GRIK3: variants seen among roughly 807,000 people sequenced by gnomAD.
The protein encoded by GRIK3 is glutamate receptor ionotropic, kainate 3.
In GRIK3, 29 loss-of-function variants were observed where a neutral mutation model predicts 102.5. That is an observed-to-expected ratio of 0.28 (90% CI 0.21 to 0.39). The LOEUF is 0.39. GRIK3 is among the 10% of genes least tolerant of loss of function. The probability of loss-of-function intolerance (pLI) is 1.00; values close to 1 mark genes in which losing one functional copy is unlikely to be tolerated. For synonymous variants in GRIK3, 511 were observed against 504.9 expected (o/e 1.01, Z -0.16); for missense variants, 908 against 1,252.4 (o/e 0.73, Z 4.15).
At chr1:36,982,986 C>G (rs72653512) in intron 1 of GRIK3, among the ~76,000 whole-genome samples, 19,451 of 152,238 alleles carry the variant, frequency 0.13, 1,787 homozygotes, top group African/African-American at 0.26. Flanking sequence ...GAGCCCTGGC[C>G]GAGCCCAGCC....
chr1:36,867,456 C>T (rs552093201), intron 5 of GRIK3, among the ~76,000 whole-genome samples: 1 of 152,146 alleles, frequency 6.6e-6, no homozygotes, highest in African/African-American at 2.4e-5. Context: ...TCCCATATAG[C>T]TAAATGCTCC....
At chr1:36,865,548 A>T (rs372076140) in intron 5 of GRIK3, among the ~76,000 whole-genome samples, 66 of 152,326 alleles carry the variant, frequency 4.3e-4, no homozygotes, top group African/African-American at 1.5e-3. Flanking sequence ...GACCAGGAGC[A>T]CAGCTGGTGC....
rs143779758 is a variant in GRIK3 at position 36,876,623 on chromosome 1, T to G, written c.550+4011A>C. On this transcript the variant is annotated intron_variant, in intron 3 of 15. Transcript: ENST00000373091. ...CTGTCTGTTACTTGCAGCCAAAACA[T>G]CCTGATGGACACAATCTCCAAAGCA... Among the ~76,000 whole-genome samples the G allele has an allele frequency of 8.9e-4, 136 of 152,292 alleles. 2 individuals are homozygous for G. Among genetic ancestry groups the G allele is most frequent in the African/African-American group, 3.3e-3 (136 of 41,558 alleles).
At chr1:36,854,319 C>A (rs1371843436) in intron 7 of GRIK3, among the ~76,000 whole-genome samples, 2 of 152,212 alleles carry the variant, frequency 1.3e-5, no homozygotes, top group African/African-American at 4.8e-5. Flanking sequence ...TGGAACTAAT[C>A]ATTGTGTCCA....
At chr1:36,895,898 C>A (rs571585153) in intron 1 of GRIK3, among the ~76,000 whole-genome samples, 1 of 152,168 alleles carries the variant, frequency 6.6e-6, no homozygotes, top group East Asian at 1.9e-4. Context: ...TGCATCTTAT[C>A]TATGGAGGAA....
intron 1 of GRIK3, among the ~76,000 whole-genome samples, chr1:36,925,815 G>A (rs1641520221): frequency 6.6e-6 from 1 of 152,338 alleles, no homozygotes; most frequent in South Asian, 2.1e-4. Context: ...GGTGTAGTGG[G>A]AGCGTGGCTA....
At chr1:36,892,165 C>G (rs1443469678) in intron 1 of GRIK3, among the ~76,000 whole-genome samples, 1 of 152,154 alleles carries the variant, frequency 6.6e-6, no homozygotes, top group Non-Finnish European at 1.5e-5. Flanking sequence ...ACTACAGGCA[C>G]ATGCTGCTAC....
At chr1:36,920,633 C>A (rs1473623685) in intron 1 of GRIK3, among the ~76,000 whole-genome samples, 1 of 152,196 alleles carries the variant, frequency 6.6e-6, no homozygotes, top group Non-Finnish European at 1.5e-5. Flanking sequence ...TGGCCACCTC[C>A]CCCATGCACC....
chr1:36,805,099 A>G lies in GRIK3; in HGVS notation c.2453T>C (p.Ile818Thr). 6.2e-7 allele frequency: 1 copy of G among 1,614,152 alleles called. No homozygotes were observed. Among genetic ancestry groups the G allele is most frequent in the South Asian group, 1.1e-5 (1 of 91,082 alleles). The change falls in exon 15 of 16, where the codon ATC (isoleucine) becomes ACC (threonine). Residue 818 changes from isoleucine to threonine, a missense_variant. Coordinates refer to ENST00000373091, the MANE Select transcript of GRIK3 (RefSeq NM_000831.4). ...EENKEASALGIQKIGGIFIVL... is the reference protein window; with the variant it reads ...EENKEASALGTQKIGGIFIVL... ...AATGAAGATGCCCCCGATCTTCTGG[A>G]TCCCCAGGGCACTGGCCTCTTTGTT...
intron 1 of GRIK3, among the ~76,000 whole-genome samples, chr1:36,975,808 T>G (rs146478198): frequency 2.0e-5 from 3 of 152,184 alleles, no homozygotes; most frequent in Admixed American, 1.3e-4. Flanking sequence ...TCCTTGTCTG[T>G]TTCCCCACTG....
intron 1 of GRIK3, among the ~76,000 whole-genome samples, chr1:36,946,317 G>T (rs1298481813): frequency 6.6e-6 from 1 of 152,226 alleles, no homozygotes; most frequent in Non-Finnish European, 1.5e-5. Context: ...TGCAGACTGG[G>T]GTCCTGGCCT....
intron 1 of GRIK3, among the ~76,000 whole-genome samples, chr1:37,025,482 C>T (rs903647403): frequency 3.9e-5 from 6 of 152,210 alleles, no homozygotes; most frequent in African/African-American, 1.4e-4. Flanking sequence ...GAATGACCCC[C>T]GGGGTCTTTT....
chr1:36,823,668 C>A (rs1259196984), intron 11 of GRIK3, among the ~76,000 whole-genome samples: 1 of 152,056 alleles, frequency 6.6e-6, no homozygotes, highest in African/African-American at 2.4e-5. Flanking sequence ...TCCGGGGTGC[C>A]TTAGTCCCTA....
chr1:36,902,092 A>G (rs1485349595), intron 1 of GRIK3, among the ~76,000 whole-genome samples: 1 of 152,202 alleles, frequency 6.6e-6, no homozygotes, highest in Non-Finnish European at 1.5e-5. Context: ...TAACTAAATA[A>G]ATGGAGAGAC....
At chr1:37,028,681 T>C (rs1360895791) in intron 1 of GRIK3, among the ~76,000 whole-genome samples, 1 of 152,158 alleles carries the variant, frequency 6.6e-6, no homozygotes. Flanking sequence ...CCTTAAAAAC[T>C]GTTTCTTGCC....
Position 36,886,700 on chromosome 1 carries a change from C to T in GRIK3, c.292+4220G>A, listed in dbSNP as rs189442309. ...AAGTGCATTAATGTTAAGCACATGA[C>T]TGTTATGAATTTTCACATATAATTT... On this transcript the variant is annotated intron_variant, in intron 2 of 15. Coordinates refer to ENST00000373091, the MANE Select transcript of GRIK3 (RefSeq NM_000831.4). 2.0e-3 allele frequency among the ~76,000 whole-genome samples: 312 copies of T among 152,318 alleles called. 6 individuals carry two copies. Among genetic ancestry groups the T allele is most frequent in the Middle Eastern group, 6.8e-3 (2 of 294 alleles).
intron 11 of GRIK3, among the ~76,000 whole-genome samples, chr1:36,822,011 C>T (rs1221429005): frequency 6.6e-6 from 1 of 152,236 alleles, no homozygotes; most frequent in Admixed American, 6.5e-5. Flanking sequence ...CTTTTCAGGT[C>T]AGTTCTTCCG....
intron 10 of GRIK3, among the ~76,000 whole-genome samples, chr1:36,832,546 A>C (rs1640318334): frequency 6.6e-6 from 1 of 152,214 alleles, no homozygotes; most frequent in Non-Finnish European, 1.5e-5. Context: ...GCCCATTCAT[A>C]AGTGTCAACC....
chr1:36,894,594 C>T (rs997634066), intron 1 of GRIK3, among the ~76,000 whole-genome samples: 4 of 152,136 alleles, frequency 2.6e-5, no homozygotes, highest in African/African-American at 9.7e-5. Context: ...CAAACCACTG[C>T]CCCCAGAATT....
Sources: gnomAD v4.1 joint callset for allele counts (sites outside exome capture counted in the v4.1 genomes callset) on GRCh38, gnomAD v4.1.1 for gene constraint, MANE v1.5 for transcripts, NCBI Gene and HGNC (gene_info 2026-07-23, HGNC 2026-07-21) for gene names.